The following ELMO1 variants were observed in gnomAD, a reference collection of about 807,000 sequenced individuals.
The protein encoded by ELMO1 is engulfment and cell motility protein 1.
ELMO1 carries 26 observed loss-of-function variants against 98.9 expected under a neutral mutation model. The ratio of observed to expected loss-of-function variants is 0.26; its 90% CI spans 0.19 to 0.36. The LOEUF (loss-of-function observed/expected upper bound fraction) is 0.36, where lower values mean the gene tolerates loss of function less well. Ranked by LOEUF, ELMO1 falls within the 10% of genes least tolerant of loss-of-function variation. ELMO1 has a pLI of 1.00. For synonymous variants in ELMO1, 346 were observed against 346.0 expected (o/e 1.00, Z 0.00); for missense variants, 627 against 935.2 (o/e 0.67, Z 4.30).
At chr7:37,001,765 G>C (rs969342151) in intron 16 of ELMO1, among the ~76,000 whole-genome samples, 1 of 152,202 alleles carries the variant, frequency 6.6e-6, no homozygotes, top group African/African-American at 2.4e-5. Flanking sequence ...TTCAGGTAGA[G>C]CCTAGGGTAG....
At chr7:37,161,442 C>T (rs1314940455) in intron 13 of ELMO1, among the ~76,000 whole-genome samples, 1 of 152,072 alleles carries the variant, frequency 6.6e-6, no homozygotes, top group Non-Finnish European at 1.5e-5. Context: ...CATAATCAGA[C>T]AATGAATTAA....
intron 6 of ELMO1, among the ~76,000 whole-genome samples, chr7:37,248,115 A>T (rs562344754): frequency 5.3e-5 from 8 of 149,942 alleles, no homozygotes; most frequent in African/African-American, 2.0e-4. Flanking sequence ...TTGCATCCTC[A>T]CTTTGGCTTC....
intron 4 of ELMO1, among the ~76,000 whole-genome samples, chr7:37,302,979 T>A (rs567558321): frequency 1.1e-4 from 17 of 152,318 alleles, no homozygotes; most frequent in African/African-American, 4.1e-4. Flanking sequence ...AAGTTCATCT[T>A]CCTCTTATCT....
At chr7:37,297,256 T>C (rs1342436187) in intron 4 of ELMO1, among the ~76,000 whole-genome samples, 7 of 152,168 alleles carry the variant, frequency 4.6e-5, no homozygotes, top group African/African-American at 1.4e-4. Flanking sequence ...TTTTTAAAGG[T>C]TGTATAAGTC....
chr7:37,100,956 A>G (rs1358135183), intron 14 of ELMO1, among the ~76,000 whole-genome samples: 1 of 152,252 alleles, frequency 6.6e-6, no homozygotes, highest in Non-Finnish European at 1.5e-5. Flanking sequence ...TGTCGTGCAT[A>G]TCAACTCACA....
intron 16 of ELMO1, among the ~76,000 whole-genome samples, chr7:36,988,618 G>T (rs918375651): frequency 6.6e-6 from 1 of 152,156 alleles, no homozygotes; most frequent in African/African-American, 2.4e-5. Context: ...ATCAGGAAAA[G>T]CATTTCAGAG....
chr7:37,155,063 T>C (rs1271021512), intron 13 of ELMO1, among the ~76,000 whole-genome samples: 1 of 152,120 alleles, frequency 6.6e-6, no homozygotes, highest in Admixed American at 6.5e-5. Context: ...AAACTAAGCT[T>C]CATAAGTGAA....
At chr7:37,161,065 C>A (rs905910733) in intron 13 of ELMO1, among the ~76,000 whole-genome samples, 6 of 152,230 alleles carry the variant, frequency 3.9e-5, no homozygotes, top group African/African-American at 1.4e-4. Context: ...GACATGATGC[C>A]CAGAAAATGC....
At chr7:37,164,257 G>A (rs1187948634) in intron 13 of ELMO1, among the ~76,000 whole-genome samples, 1 of 152,118 alleles carries the variant, frequency 6.6e-6, no homozygotes, top group Non-Finnish European at 1.5e-5. Context: ...AGATAAGTAG[G>A]TTGTGAAAAT....
chr7:37,447,909 C>T (rs1283626133), intron 1 of ELMO1, among the ~76,000 whole-genome samples: 1 of 151,704 alleles, frequency 6.6e-6, no homozygotes, highest in East Asian at 2.0e-4. Context: ...CCTGGCATGC[C>T]GCCGCCCCCT....
chr7:37,269,668 TCTC>T (rs1796456952), intron 5 of ELMO1: 1 of 152,080 alleles, frequency 6.6e-6, no homozygotes, highest in African/African-American at 2.4e-5. Context: ...ATGGTCTTGA[TCTC>T]CTGACCTGGT....
rs182204779 is a variant in ELMO1 at position 37,359,340 on chromosome 7, C to T, written c.-73-16577G>A. 1.3e-3 allele frequency among the ~76,000 whole-genome samples: 192 copies of T among 152,342 alleles called. 1 individual carries two copies. The highest frequency in any genetic ancestry group is 4.4e-3 in the African/African-American group (185 of 41,578). ...TGTCTGTATTCTAATCCTAGTTTCA[C>T]TACCTCCTAGCCTTGTGGCTTTGGG... On this transcript the variant is annotated intron_variant, in intron 1 of 21. Transcript: ENST00000310758.
intron 16 of ELMO1, among the ~76,000 whole-genome samples, chr7:36,941,741 C>A (rs1787054368): frequency 6.6e-6 from 1 of 152,186 alleles, no homozygotes. Context: ...CAGTCCTGGG[C>A]AAATGGCCAA....
At chr7:37,375,554 T>C in intron 1 of ELMO1, 2 of 1,071,254 alleles carry the variant, frequency 1.9e-6, no homozygotes, top group Non-Finnish European at 2.9e-6. Flanking sequence ...AGATTGCCAT[T>C]TATAAACTCC....
At chr7:37,174,058 T>G (rs1395972087) in intron 13 of ELMO1, among the ~76,000 whole-genome samples, 1 of 152,192 alleles carries the variant, frequency 6.6e-6, no homozygotes, top group East Asian at 1.9e-4. Flanking sequence ...CCCAATTACC[T>G]CATCAAATTC....
chr7:37,188,291 TGATGA>T (rs1376821671), intron 13 of ELMO1, among the ~76,000 whole-genome samples: 1 of 151,912 alleles, frequency 6.6e-6, no homozygotes, highest in African/African-American at 2.4e-5. Flanking sequence ...TGACACTTAC[TGATGA>T]GATGTTTTTG....
At chr7:37,309,243 G>C (rs1798773875) in intron 4 of ELMO1, among the ~76,000 whole-genome samples, 1 of 152,190 alleles carries the variant, frequency 6.6e-6, no homozygotes, top group South Asian at 2.1e-4. Context: ...TGAAAATCAA[G>C]AGAAAGGGGT....
chr7:37,125,292 T>C (rs1369310636), intron 14 of ELMO1, among the ~76,000 whole-genome samples: 1 of 152,064 alleles, frequency 6.6e-6, no homozygotes, highest in Non-Finnish European at 1.5e-5. Context: ...AAATGGGATG[T>C]AATTAAACTA....
At chr7:36,961,728 C>A (rs1788969135) in intron 16 of ELMO1, among the ~76,000 whole-genome samples, 1 of 152,000 alleles carries the variant, frequency 6.6e-6, no homozygotes. Context: ...CATAAAGAAC[C>A]TAAAATTTAA....
Sources: gnomAD v4.1 joint callset for allele counts (sites outside exome capture counted in the v4.1 genomes callset) on GRCh38, gnomAD v4.1.1 for gene constraint, MANE v1.5 for transcripts, NCBI Gene and HGNC (gene_info 2026-07-23, HGNC 2026-07-21) for gene names.